CCT5: variants seen among roughly 807,000 people sequenced by gnomAD.
CCT5 encodes the protein chaperonin containing TCP1 subunit 5.
Under a neutral mutation model 55.0 loss-of-function variants are expected in CCT5, and 6 were observed. The observed-to-expected ratio is 0.11, with a 90% CI of 0.06 to 0.22. CCT5 has a LOEUF of 0.22. CCT5 is among the 10% of genes least tolerant of loss of function. CCT5 has a pLI of 1.00. For missense variants in CCT5, 560 were observed against 694.6 expected, an observed-to-expected ratio of 0.81 and a Z score of 2.18; for synonymous variants, 231 against 243.7, an observed-to-expected ratio of 0.95 and a Z score of 0.49.
chr5:10,254,044 T>C, intron 1 of CCT5, 101 bp from the exon 2 acceptor site: 1 of 813,652 alleles, frequency 1.2e-6, no homozygotes, highest in East Asian at 2.4e-5. Context: ...TTCTAGACAA[T>C]AGAAACTAAG....
Position 10,250,293 on chromosome 5 carries a change from C to A in CCT5, c.-48C>A. 1.2e-6 allele frequency: 2 copies of A among 1,613,208 alleles called. No individual in the cohort carries two copies. Among genetic ancestry groups the A allele is most frequent in the Non-Finnish European group, 1.7e-6 (2 of 1,179,820 alleles). On this transcript the variant is annotated 5_prime_UTR_variant, in exon 1 of 11. Transcript: ENST00000280326. ...AGAAAGGGAAGTGCATTCTCGCTTCCGTAGCGGTCTCCGCCGGTTGGGGGG... is the reference window on the plus strand; with the variant it reads ...AGAAAGGGAAGTGCATTCTCGCTTCAGTAGCGGTCTCCGCCGGTTGGGGGG...
chr5:10,256,064 C>G lies in CCT5; in HGVS notation c.441C>G (p.His147Gln), dbSNP rs770321570. Reference protein sequence around the residue: ...YEQAARVAIEHLDKISDSVLV... With the variant: ...YEQAARVAIEQLDKISDSVLV... ...AGGCTGCTCGTGTTGCTATTGAACA[C>G]CTGGACAAGATCAGCGATAGCGTCC... The change falls in exon 4 of 11, where the codon CAC becomes CAG. Residue 147 changes from histidine (H) to glutamine (Q), a missense_variant. Physicochemically the swap from His to Gln is conservative, Grantham distance 24. Around this residue, in one of 4 missense-constraint regions of CCT5, gnomAD observed 52 missense variants for 35.3 expected, o/e 1.47. Transcript: ENST00000280326. 1.2e-5 allele frequency: 19 copies of G among 1,613,978 alleles called. No individual in the cohort carries two copies. In the Admixed American group the frequency reaches 2.3e-4, roughly 20 times the overall value.
At chr5:10,258,022 A>G in intron 4 of CCT5, 89 bp from the exon 5 acceptor site, 3 of 1,316,716 alleles carry the variant, frequency 2.3e-6, no homozygotes, top group South Asian at 2.5e-5. Flanking sequence ...CGTTTGATTT[A>G]TATCTTTGAG....
chr5:10,263,391 T>A, intron 10 of CCT5, 77 bp downstream of exon 10: 1 of 1,309,474 alleles, frequency 7.6e-7, no homozygotes, highest in Non-Finnish European at 1.1e-6. Flanking sequence ...CTGTATGTGC[T>A]GTGAGATGAT....
At chr5:10,263,943 A>G (rs1433817245) in intron 10 of CCT5, among the ~76,000 whole-genome samples, 1 of 152,170 alleles carries the variant, frequency 6.6e-6, no homozygotes, top group Non-Finnish European at 1.5e-5. Context: ...CAAACATTTA[A>G]TGTTTCTAAC....
In CCT5 at chr5:10,261,640, T is replaced by A; in HGVS notation, c.1074T>A (p.Leu358=). 1 of 1,614,196 alleles carries A rather than the reference T, an allele frequency of 6.2e-7. No individual in the cohort carries two copies. The highest frequency in any genetic ancestry group is 1.3e-5 in the African/African-American group (1 of 75,046). ...LTAEKLGFAG[L]VQEISFGTTK... is the part of the protein sequence containing the mutation. ...CCGAGAAGCTGGGCTTTGCTGGTCTTGTACAGGAGATCTCATTTGGGACAA... is the reference window on the plus strand; with the variant it reads ...CCGAGAAGCTGGGCTTTGCTGGTCTAGTACAGGAGATCTCATTTGGGACAA... Residue 358 remains leucine, a synonymous_variant, in exon 8 of 11, where the codon CTT becomes CTA. Coordinates refer to ENST00000280326, the MANE Select transcript of CCT5 (RefSeq NM_012073.5).
chr5:10,260,429 C>G (rs1374662329), intron 6 of CCT5, among the ~76,000 whole-genome samples: 1 of 152,180 alleles, frequency 6.6e-6, no homozygotes, highest in Non-Finnish European at 1.5e-5. Context: ...TGAAACTACT[C>G]TGTAGGTGTT....
At chr5:10,263,892 T>C (rs1746101883) in intron 10 of CCT5, among the ~76,000 whole-genome samples, 1 of 152,206 alleles carries the variant, frequency 6.6e-6, no homozygotes, top group South Asian at 2.1e-4. Context: ...CTTTCCATGC[T>C]CAAATTCCAA....
intron 1 of CCT5, among the ~76,000 whole-genome samples, chr5:10,252,628 A>AT (rs932390444): frequency 5.9e-4 from 89 of 151,746 alleles, no homozygotes; most frequent in Non-Finnish European, 4.9e-4. Context: ...AAAAAAAAAA[A>AT]AAAGGTGCAG....
At chr5:10,249,926 A>C (rs1201945537), upstream of CCT5, 79 of 952,498 alleles carry the variant, frequency 8.3e-5, no homozygotes, top group African/African-American at 2.1e-4. Context: ...AAAAAAAAAA[A>C]AAAAAAAACC....
intron 1 of CCT5, among the ~76,000 whole-genome samples, chr5:10,253,084 G>C (rs1745507799): frequency 6.6e-6 from 1 of 152,158 alleles, no homozygotes; most frequent in Admixed American, 6.5e-5. Context: ...CTGGCACTTT[G>C]GGCAGCCAAG....
intron 2 of CCT5, 85 bp from the exon 3 acceptor site, chr5:10,254,589 G>A: frequency 8.7e-7 from 1 of 1,150,858 alleles, no homozygotes; most frequent in South Asian, 1.2e-5. Flanking sequence ...GCACAGATAA[G>A]AGCTGGGTCA....
intron 1 of CCT5, among the ~76,000 whole-genome samples, chr5:10,253,327 T>C (rs1487818690): frequency 1.0e-4 from 2 of 19,268 alleles, no homozygotes; most frequent in Admixed American, 5.9e-4. Flanking sequence ...CAAGACTGTC[T>C]CAAAAAAAAA....
chr5:10,250,471 G>C (rs769901258), intron 1 of CCT5, 26 bp downstream of exon 1: 25 of 1,611,158 alleles, frequency 1.6e-5, no homozygotes, highest in Non-Finnish European at 1.9e-5. Flanking sequence ...CCTGCTCGCG[G>C]TGGGCTAAGG....
intron 8 of CCT5, chr5:10,262,033 GA>G (rs1318024578): frequency 2.3e-6 from 1 of 425,866 alleles, no homozygotes; most frequent in Non-Finnish European, 4.3e-6. Context: ...CTGGATTTTA[GA>G]ATGTTTGATA....
At chr5:10,257,144 CAG>C (rs1745723567) in intron 4 of CCT5, among the ~76,000 whole-genome samples, 1 of 152,190 alleles carries the variant, frequency 6.6e-6, no homozygotes. Flanking sequence ...CTTCTAAACT[CAG>C]AGTAGTCAGG....
At chr5:10,259,801 G>C (rs770542705) in intron 6 of CCT5, among the ~76,000 whole-genome samples, 2 of 152,228 alleles carry the variant, frequency 1.3e-5, no homozygotes, top group African/African-American at 4.8e-5. Context: ...GGGGGCCACA[G>C]ATAAATTGAG....
chr5:10,252,220 GT>G (rs369266118), intron 1 of CCT5, among the ~76,000 whole-genome samples: 217 of 152,306 alleles, frequency 1.4e-3, no homozygotes, highest in Admixed American at 2.1e-3. Flanking sequence ...AGGCTCAGCA[GT>G]TTAGGGATAT....
At chr5:10,250,666 C>T (rs1745342361) in intron 1 of CCT5, 2 of 1,407,278 alleles carry the variant, frequency 1.4e-6, no homozygotes, top group African/African-American at 1.4e-5. Flanking sequence ...CAGGCTGGGC[C>T]GCCAGCGCCC....
Sources: allele counts gnomAD v4.1 joint callset (sites outside exome capture counted in the v4.1 genomes callset), GRCh38; gene constraint gnomAD v4.1.1; regional missense constraint gnomAD v4.1.1; transcripts MANE v1.5; gene names NCBI Gene and HGNC (gene_info 2026-07-23, HGNC 2026-07-21).